The following PLEKHG4B variants were observed in gnomAD, a reference collection of about 807,000 sequenced individuals.
PLEKHG4B encodes pleckstrin homology domain-containing family G member 4B.
Under a neutral mutation model 121.3 loss-of-function variants are expected in PLEKHG4B, and 111 were observed. That is an observed-to-expected ratio of 0.92 (90% CI 0.78 to 1.07). PLEKHG4B has a LOEUF of 1.07. Ranked by LOEUF, PLEKHG4B falls within the 50% of genes least tolerant of loss-of-function variation. The pLI is 0.00. For missense variants in PLEKHG4B, 1,831 were observed against 1,757.8 expected (o/e 1.04, Z -0.74); for synonymous variants, 738 against 725.0 (o/e 1.02, Z -0.29).
At chr5:120,399 G>GGA (rs770132686) in intron 2 of PLEKHG4B, among the ~76,000 whole-genome samples, 4 of 152,090 alleles carry the variant, frequency 2.6e-5, no homozygotes, top group Non-Finnish European at 5.9e-5. Context: ...GACTCCCCCT[G>GGA]GAGAGAGAGA....
intron 2 of PLEKHG4B, among the ~76,000 whole-genome samples, chr5:135,678 AAAAAATATATAT>A (rs1461101310): frequency 3.9e-5 from 2 of 51,700 alleles, no homozygotes; most frequent in Non-Finnish European, 7.3e-5. Flanking sequence ...AAAAAAAAAA[AAAAAATATATAT>A]ATATATATAT....
Position 143,414 on chromosome 5 carries a change from G to A in PLEKHG4B, c.1722G>A (p.Gln574=). The A allele has an allele frequency of 1.2e-6, 2 of 1,612,874 alleles. No homozygotes were observed. The highest frequency in any genetic ancestry group is 2.7e-5 in the African/African-American group (2 of 75,054). Residue 574 remains glutamine (Q), a synonymous_variant, in exon 5 of 20, where the codon CAG becomes CAA. Coordinates refer to ENST00000637938, the MANE Select transcript of PLEKHG4B (RefSeq NM_052909.5). ...ACCGTCATGGCAGAGCAGTGGTGCA[G>A]GTCCGCACCAGGAGCCTGCTCTGGA... is the stretch of plus-strand genomic sequence containing the variant. ...TRDRHGRAVV[Q]VRTRSLLWTR... is the part of the protein sequence containing the mutation.
At chr5:103,756 A>G (rs138749671) in intron 1 of PLEKHG4B, among the ~76,000 whole-genome samples, 1 of 152,222 alleles carries the variant, frequency 6.6e-6, no homozygotes, top group Admixed American at 6.5e-5. Flanking sequence ...ACAGTAATCT[A>G]TACAACAAAT....
At chr5:142,849 G>A (rs906341789) in intron 3 of PLEKHG4B, among the ~76,000 whole-genome samples, 198 bp from the exon 4 acceptor site, 7 of 152,166 alleles carry the variant, frequency 4.6e-5, no homozygotes, top group African/African-American at 7.2e-5. Context: ...TGATGACGCC[G>A]CGTGTCCGTG....
At position 171,296 on chromosome 5, in the gene PLEKHG4B, T is replaced by A; in HGVS notation, c.3902T>A (p.Leu1301Gln). Residue 1301 changes from leucine to glutamine, a missense_variant, in exon 16 of 20, where the codon CTG becomes CAG. Coordinates refer to ENST00000637938, the MANE Select transcript of PLEKHG4B (RefSeq NM_052909.5). ...GTGCAGCGTGTGGCCAAGTACGCGCTGCTACTCCAGGACCTGCTCAAGGAG... is the reference window on the plus strand; with the variant it reads ...GTGCAGCGTGTGGCCAAGTACGCGCAGCTACTCCAGGACCTGCTCAAGGAG... Reference protein sequence around the residue: ...RPVQRVAKYALLLQDLLKEAS... With the variant: ...RPVQRVAKYAQLLQDLLKEAS... The A allele has an allele frequency of 6.2e-7, 1 of 1,612,424 alleles. No homozygotes were observed. The highest frequency in any genetic ancestry group is 8.5e-7 in the Non-Finnish European group (1 of 1,179,694).
At chr5:106,848 TGC>T (rs1169045365) in intron 1 of PLEKHG4B, among the ~76,000 whole-genome samples, 1 of 151,628 alleles carries the variant, frequency 6.6e-6, no homozygotes, top group Non-Finnish European at 1.5e-5. Flanking sequence ...TGTGTGTGTG[TGC>T]ACGTGTGTGT....
chr5:165,731 G>A (rs1579316250), intron 13 of PLEKHG4B, among the ~76,000 whole-genome samples: 2 of 35,832 alleles, frequency 5.6e-5, no homozygotes, highest in East Asian at 5.0e-4. Context: ...CTGACGGGGC[G>A]GGGCTCACAC....
chr5:109,397 C>CAAAAAAAACAAAA (rs1734069973), intron 1 of PLEKHG4B, among the ~76,000 whole-genome samples: 1 of 61,838 alleles, frequency 1.6e-5, no homozygotes, highest in African/African-American at 7.7e-5. Flanking sequence ...ACTCTGTCTC[C>CAAAAAAAACAAAA]AAAAAAAAAA....
chr5:138,142 G>T (rs1166575252), intron 2 of PLEKHG4B, among the ~76,000 whole-genome samples: 1 of 152,212 alleles, frequency 6.6e-6, no homozygotes, highest in East Asian at 1.9e-4. Flanking sequence ...AAGACCCTGG[G>T]ACCCGCCCCC....
intron 2 of PLEKHG4B, among the ~76,000 whole-genome samples, chr5:125,137 C>A (rs1426526724): frequency 6.6e-6 from 1 of 152,042 alleles, no homozygotes; most frequent in East Asian, 1.9e-4. Flanking sequence ...AAAAAAAAAT[C>A]AATTTTGCCA....
chr5:156,650 G>A lies in PLEKHG4B; in HGVS notation c.2349-123G>A, dbSNP rs990099774. The A allele has an allele frequency of 7.5e-5, 97 of 1,301,158 alleles. No homozygotes were observed. The highest frequency in any genetic ancestry group is 2.7e-4 in the Middle Eastern group (1 of 3,640). 80.6% of individuals were successfully genotyped at this position (1,301,158 alleles called of 1,614,324 possible). ...CGCCTCGGTTGTGGGCCTCCTCCTG[G>A]GGCTCCCGTTGCCTTGTGGCATGAG... is the stretch of plus-strand genomic sequence containing the variant. On this transcript the variant is annotated intron_variant, in intron 10 of 19. Coordinates refer to ENST00000637938, the MANE Select transcript of PLEKHG4B (RefSeq NM_052909.5). The surrounding 1 kb of genome is among the most constrained non-coding windows in gnomAD (Gnocchi z 4.4).
At chr5:109,418 A>AAAAAAAAAAAAAAAAAC (rs1734071648) in intron 1 of PLEKHG4B, among the ~76,000 whole-genome samples, 1 of 149,908 alleles carries the variant, frequency 6.7e-6, no homozygotes, top group African/African-American at 2.4e-5. Flanking sequence ...AAAAAAAAAA[A>AAAAAAAAAAAAAAAAAC]AAATCCAGCC....
intron 2 of PLEKHG4B, among the ~76,000 whole-genome samples, chr5:128,549 G>A (rs943647622): frequency 6.6e-6 from 1 of 152,262 alleles, no homozygotes; most frequent in East Asian, 1.9e-4. Flanking sequence ...CTTGCAAGCC[G>A]CTCCAGGAAC....
In PLEKHG4B at chr5:182,187, C is replaced by G. The variant is rs141072452; in HGVS notation, c.4748C>G (p.Ala1583Gly). The G allele has an allele frequency of 2.1e-5, 34 of 1,613,812 alleles. No individual in the cohort carries two copies. The highest frequency in any genetic ancestry group is 2.9e-5 in the Non-Finnish European group (34 of 1,180,040). The change falls in exon 20 of 20, where the codon GCC (alanine) becomes GGC (glycine). Residue 1583 changes from alanine (A) to glycine (G), a missense_variant. Ala to Gly is a moderately conservative substitution (Grantham distance 60). Transcript: ENST00000637938. ...SPAHPGLWSP[A>G]HSPWSSDIRA... ...GCCCACCCGGGCCTATGGAGCCCTG[C>G]CCACAGCCCCTGGTCATCTGATATC...
In PLEKHG4B at chr5:163,183, G is replaced by A. The variant is rs760792308; in HGVS notation, c.3111G>A (p.Leu1037=). ...RPGLCALWDP[L]SLLRGLPGAG... ...GGCTGTGTGCTCTGTGGGACCCACT[G>A]TCCCTCCTCAGGGGCCTTCCAGGGG... The change falls in exon 13 of 20, where the codon CTG becomes CTA. Residue 1037 remains leucine (L), a synonymous_variant. Transcript: ENST00000637938. 14 of 1,578,084 alleles carry A rather than the reference G, an allele frequency of 8.9e-6. No individual in the cohort carries two copies. Among genetic ancestry groups the A allele is most frequent in the East Asian group, 2.2e-5 (1 of 44,524 alleles).
chr5:123,741 ATCT>A (rs1442906085), intron 2 of PLEKHG4B, among the ~76,000 whole-genome samples: 1 of 152,106 alleles, frequency 6.6e-6, no homozygotes, highest in South Asian at 2.1e-4. Context: ...AGTAACATGA[ATCT>A]TCTTTTTTCA....
At chr5:96,933 A>G (rs1472865319) in intron 1 of PLEKHG4B, among the ~76,000 whole-genome samples, 1 of 152,260 alleles carries the variant, frequency 6.6e-6, no homozygotes, top group Non-Finnish European at 1.5e-5. Flanking sequence ...GCAAAGTGAA[A>G]TTTACATAAC....
intron 1 of PLEKHG4B, among the ~76,000 whole-genome samples, chr5:100,294 G>C (rs1007652615): frequency 6.6e-6 from 1 of 152,186 alleles, no homozygotes; most frequent in Non-Finnish European, 1.5e-5. Context: ...GTCTGCAGAA[G>C]TTAGTAAAAC....
Position 140,668 on chromosome 5 carries a change from A to T in PLEKHG4B, c.1429A>T (p.Thr477Ser). The T allele has an allele frequency of 1.2e-6, 2 of 1,604,346 alleles. No homozygotes were observed. Among genetic ancestry groups the T allele is most frequent in the Non-Finnish European group, 8.5e-7 (1 of 1,175,514 alleles). Reference protein sequence around the residue: ...GGHLGGQAVGTPNCVPVEGPG... With the variant: ...GGHLGGQAVGSPNCVPVEGPG... Reference sequence around the variant, plus strand: ...CCACCTAGGAGGACAAGCTGTGGGGACCCCAAACTGTGTCCCAGTAGAGGG... The same window carrying T: ...CCACCTAGGAGGACAAGCTGTGGGGTCCCCAAACTGTGTCCCAGTAGAGGG... The change falls in exon 3 of 20, where the codon ACC becomes TCC. Residue 477 changes from threonine to serine, a missense_variant. By Grantham distance (58) the Thr-to-Ser change is moderately conservative. Transcript: ENST00000637938.
Sources: gnomAD v4.1 joint callset for allele counts (sites outside exome capture counted in the v4.1 genomes callset) on GRCh38, gnomAD v4.1.1 for gene constraint, Gnocchi (gnomAD v3.1) non-coding constraint, MANE v1.5 for transcripts, NCBI Gene and HGNC (gene_info 2026-07-23, HGNC 2026-07-21) for gene names.